Variants in RBM4 observed in about 807,000 individuals in gnomAD.
RBM4 encodes the protein RNA-binding protein 4.
Under a neutral mutation model 29.5 loss-of-function variants are expected in RBM4, and 7 were observed. The observed-to-expected ratio is 0.24, with a 90% CI of 0.14 to 0.45. RBM4 has a LOEUF of 0.45. Ranked by LOEUF, RBM4 falls within the 20% of genes least tolerant of loss-of-function variation. RBM4 has a pLI of 1.00. For missense variants in RBM4, 387 were observed against 502.3 expected (o/e 0.77, Z 2.19); for synonymous variants, 220 against 205.4 (o/e 1.07, Z -0.61).
chr11:66,644,685 G>C (rs1375401633), intron 3 of RBM4: 4 of 984,466 alleles, frequency 4.1e-6, no homozygotes, highest in Non-Finnish European at 4.8e-6. Context: ...ATCTTGAAGC[G>C]TATTTCTGAC....
intron 2 of RBM4, among the ~76,000 whole-genome samples, chr11:66,658,936 C>CA (rs58622757): frequency 2.5e-3 from 354 of 141,316 alleles, no homozygotes; most frequent in African/African-American, 7.7e-3. Flanking sequence ...GAGTGTCTCT[C>CA]AAAAAAAAAA....
At chr11:66,659,567 C>T (rs559432090) in intron 2 of RBM4, among the ~76,000 whole-genome samples, 1 of 152,282 alleles carries the variant, frequency 6.6e-6, no homozygotes, top group South Asian at 2.1e-4. Flanking sequence ...GCATGAGCTA[C>T]TGCACCTGGC....
intron 2 of RBM4, chr11:66,665,525 AGC>A: frequency 7.1e-7 from 1 of 1,404,664 alleles, no homozygotes; most frequent in South Asian, 1.2e-5. Context: ...GACCGCGCGG[AGC>A]AAGTTCTCAT....
At chr11:66,658,476 T>C (rs1021410279) in intron 2 of RBM4, among the ~76,000 whole-genome samples, 7 of 149,684 alleles carry the variant, frequency 4.7e-5, no homozygotes, top group Non-Finnish European at 1.0e-4. Context: ...CATCCTCCAA[T>C]GCACAGGAGG....
At chr11:66,639,593 G>A (rs1428660469) in intron 1 of RBM4, 107 bp from the exon 2 acceptor site, 2 of 1,359,984 alleles carry the variant, frequency 1.5e-6, no homozygotes, top group Admixed American at 2.2e-5. Flanking sequence ...GTGTGCAGGC[G>A]TGTGAGAGAG....
chr11:66,649,227 C>T (rs1938773271), downstream of RBM4, among the ~76,000 whole-genome samples: 1 of 152,130 alleles, frequency 6.6e-6, no homozygotes, highest in South Asian at 2.1e-4. Flanking sequence ...TGGTCTCAAA[C>T]TCCTGGACTC....
intron 3 of RBM4, chr11:66,644,825 C>T: frequency 2.5e-6 from 1 of 405,764 alleles, no homozygotes; most frequent in Non-Finnish European, 3.3e-6. Context: ...CTAACACTCA[C>T]CTTCTCTGCC....
At chr11:66,665,292 GA>G (rs1939184746) in intron 2 of RBM4, 1 of 451,446 alleles carries the variant, frequency 2.2e-6, no homozygotes, top group Admixed American at 3.9e-5. Flanking sequence ...GGGAAAGCAA[GA>G]TAAGAGGGGT....
chr11:66,658,949 T>A (rs201532550), intron 2 of RBM4, among the ~76,000 whole-genome samples: 2,820 of 142,096 alleles, frequency 0.02, 51 homozygotes, highest in African/African-American at 0.049. Context: ...AAAAAAAAAA[T>A]ATATATATAT....
At chr11:66,654,063 G>A (rs1044076251) in intron 2 of RBM4, among the ~76,000 whole-genome samples, 6 of 152,056 alleles carry the variant, frequency 3.9e-5, no homozygotes, top group African/African-American at 1.4e-4. Flanking sequence ...GTCTTGCTCT[G>A]TCATCCAGGC....
Position 66,643,738 on chromosome 11 carries a change from T to C in RBM4, c.701T>C (p.Val234Ala). The C allele has an allele frequency of 1.2e-6, 2 of 1,614,038 alleles. No individual in the cohort carries two copies. The highest frequency in any genetic ancestry group is 8.5e-7 in the Non-Finnish European group (1 of 1,179,980). The change falls in exon 3 of 4, where the codon GTG becomes GCG. Residue 234 changes from valine (V) to alanine (A), a missense_variant. Coordinates refer to ENST00000310092, the MANE Select transcript of RBM4 (RefSeq NM_002896.4). This position sits in a 1 kb window ranked among gnomAD's most constrained non-coding sequence, Gnocchi z 6.1. ...RCRAARSYEA[V>A]AAAAASVYNY... Reference sequence around the variant, plus strand: ...CGTGCTGCCCGGTCCTATGAGGCAGTGGCAGCTGCAGCTGCCTCCGTGTAT... The same window carrying C: ...CGTGCTGCCCGGTCCTATGAGGCAGCGGCAGCTGCAGCTGCCTCCGTGTAT...
Position 66,646,264 on chromosome 11 carries a change from C to T in RBM4, c.*246C>T. On this transcript the variant is annotated 3_prime_UTR_variant, in exon 4 of 4. Transcript: ENST00000310092. Reference sequence around the variant, plus strand: ...TGTAGCTTCCCATTCATGTTCTCTTCTCCCAGCAGGCCTCATTGTGTGCAG... The same window carrying T: ...TGTAGCTTCCCATTCATGTTCTCTTTTCCCAGCAGGCCTCATTGTGTGCAG... 7.1e-7 allele frequency: 1 copy of T among 1,409,286 alleles called. No individual in the cohort carries two copies. Among genetic ancestry groups the T allele is most frequent in the Non-Finnish European group, 9.2e-7 (1 of 1,081,438 alleles). The allele number at this position is 1,409,286 out of a possible 1,614,324, so 87.3% of individuals were successfully genotyped here.
chr11:66,667,248 A>G (rs571916424), exon 3 of RBM4: 2 of 152,368 alleles, frequency 1.3e-5, no homozygotes, highest in South Asian at 4.1e-4. Flanking sequence ...AGATTTATCT[A>G]TCTTTAGATA....
At chr11:66,655,587 CTT>C (rs1305082254) in intron 2 of RBM4, among the ~76,000 whole-genome samples, 1 of 152,166 alleles carries the variant, frequency 6.6e-6, no homozygotes, top group Non-Finnish European at 1.5e-5. Flanking sequence ...GCCTGGGCCT[CTT>C]TTAAAAAAGT....
At chr11:66,641,274 C>T (rs946091663) in intron 2 of RBM4, 2 of 152,166 alleles carry the variant, frequency 1.3e-5, no homozygotes, top group South Asian at 2.1e-4. Context: ...CTGGGTACTA[C>T]CTTTGTTAAG....
At chr11:66,654,932 C>T (rs531002346) in intron 2 of RBM4, among the ~76,000 whole-genome samples, 60 of 152,082 alleles carry the variant, frequency 3.9e-4, no homozygotes, top group African/African-American at 1.4e-3. Context: ...TCAAGTGATT[C>T]TTCTCCCTCA....
chr11:66,664,409 C>G (rs1939156688), intron 2 of RBM4, among the ~76,000 whole-genome samples: 1 of 152,066 alleles, frequency 6.6e-6, no homozygotes, highest in South Asian at 2.1e-4. Flanking sequence ...CTCGGTCTCC[C>G]AAAGTGCTGA....
At chr11:66,646,514 G>A (rs1565083228), downstream of RBM4, 3 of 989,296 alleles carry the variant, frequency 3.0e-6, no homozygotes, top group Middle Eastern at 5.1e-4. Context: ...TTGTTTGGGG[G>A]TTCATTTGTA....
chr11:66,640,232 T>G (rs1590859884), intron 2 of RBM4, 109 bp downstream of exon 2: 1 of 1,444,538 alleles, frequency 6.9e-7, no homozygotes, highest in Non-Finnish European at 9.6e-7. Context: ...GGCTGGCTGG[T>G]GATGAAGAAA....
Sources: allele counts gnomAD v4.1 joint callset (sites outside exome capture counted in the v4.1 genomes callset), GRCh38; gene constraint gnomAD v4.1.1; non-coding constraint Gnocchi (gnomAD v3.1); transcripts MANE v1.5; gene names NCBI Gene and HGNC (gene_info 2026-07-23, HGNC 2026-07-21).